TEX36: variants seen among roughly 807,000 people sequenced by gnomAD.
TEX36 encodes testis expressed 36.
A neutral mutation model predicts 13.6 loss-of-function variants in TEX36; 12 were observed. That is an observed-to-expected ratio of 0.88 (90% CI 0.56 to 1.43). The LOEUF (loss-of-function observed/expected upper bound fraction) is 1.43, where lower values mean the gene tolerates loss of function less well. Among genes scored for constraint, TEX36 ranks in the 40% most tolerant of loss-of-function variants. The pLI, the probability that TEX36 is intolerant of heterozygous loss-of-function variation, is 0.00. For missense variants in TEX36, 224 were observed against 228.3 expected, an observed-to-expected ratio of 0.98 and a Z score of 0.12; for synonymous variants, 93 against 83.0, an observed-to-expected ratio of 1.12 and a Z score of -0.65.
intron 1 of TEX36, among the ~76,000 whole-genome samples, chr10:125,674,313 G>A (rs1304031833): frequency 6.6e-6 from 1 of 152,096 alleles, no homozygotes; most frequent in Non-Finnish European, 1.5e-5. Context: ...CTGATTAACA[G>A]CTCCTGTTAT....
chr10:125,636,876 T>C (rs55889247), intron 3 of TEX36, among the ~76,000 whole-genome samples: 8,983 of 152,202 alleles, frequency 0.059, 819 homozygotes, highest in African/African-American at 0.2. Context: ...TTCTAAAGCT[T>C]ATTCATTATA....
At chr10:125,603,539 T>A (rs1206978029) in intron 3 of TEX36, among the ~76,000 whole-genome samples, 1 of 152,112 alleles carries the variant, frequency 6.6e-6, no homozygotes, top group Admixed American at 6.5e-5. Context: ...TGGTCACAGA[T>A]AAGGCTGTGC....
At chr10:125,593,540 T>C (rs1339154763) in intron 3 of TEX36, among the ~76,000 whole-genome samples, 1 of 152,166 alleles carries the variant, frequency 6.6e-6, no homozygotes, top group Non-Finnish European at 1.5e-5. Context: ...GGCTAATACA[T>C]TAGAAAATTC....
intron 1 of TEX36, among the ~76,000 whole-genome samples, chr10:125,668,413 A>C (rs1221530257): frequency 1.3e-5 from 2 of 151,768 alleles, no homozygotes; most frequent in African/African-American, 4.8e-5. Context: ...TGTTTTCAGG[A>C]ATTTATTTAT....
At chr10:125,653,346 A>G (rs1248624324), downstream of TEX36, among the ~76,000 whole-genome samples, 5 of 152,252 alleles carry the variant, frequency 3.3e-5, no homozygotes, top group South Asian at 6.2e-4. Context: ...AGGGACATGG[A>G]TGAAGCCGGA....
At chr10:125,660,710 A>C (rs1335839119) in intron 3 of TEX36, among the ~76,000 whole-genome samples, 3 of 152,214 alleles carry the variant, frequency 2.0e-5, no homozygotes, top group Non-Finnish European at 4.4e-5. Context: ...TACGCATAGC[A>C]GTCCCTCCTT....
chr10:125,603,330 G>T (rs2094810455), intron 3 of TEX36, among the ~76,000 whole-genome samples: 1 of 152,122 alleles, frequency 6.6e-6, no homozygotes, highest in African/African-American at 2.4e-5. Flanking sequence ...AACCTGGCGG[G>T]GGTCCAGGGG....
intron 3 of TEX36, 102 bp downstream of exon 3, chr10:125,660,919 T>C: frequency 2.0e-6 from 2 of 996,620 alleles, no homozygotes; most frequent in South Asian, 1.4e-5. Flanking sequence ...TTTGACCTTG[T>C]TCCAGTTTTG....
intron 3 of TEX36, among the ~76,000 whole-genome samples, chr10:125,612,089 C>CTTT (rs1221864951): frequency 1.2e-4 from 16 of 136,790 alleles, no homozygotes; most frequent in African/African-American, 4.3e-4. Context: ...TTTTCTTTTT[C>CTTT]TTTTTTTTTT....
At chr10:125,581,319 G>A (rs985840505) in intron 3 of TEX36, among the ~76,000 whole-genome samples, 2 of 152,136 alleles carry the variant, frequency 1.3e-5, no homozygotes, top group African/African-American at 4.8e-5. Flanking sequence ...TGGCTTCTCA[G>A]AGGGTCCCTA....
At chr10:125,578,081 A>G (rs529761464) in intron 3 of TEX36, 4 of 152,210 alleles carry the variant, frequency 2.6e-5, no homozygotes, top group Non-Finnish European at 5.9e-5. Context: ...ACAGCCTTGA[A>G]TGCTAGTGGA....
intron 3 of TEX36, among the ~76,000 whole-genome samples, chr10:125,646,027 T>C (rs1294733592): frequency 6.6e-6 from 1 of 152,114 alleles, no homozygotes; most frequent in Non-Finnish European, 1.5e-5. Flanking sequence ...TCAATAACTA[T>C]TGAATTAAGA....
At chr10:125,640,233 G>C (rs982864873) in intron 3 of TEX36, 1 of 984,202 alleles carries the variant, frequency 1.0e-6, no homozygotes, top group Non-Finnish European at 1.2e-6. Context: ...CAGGAGGAGA[G>C]GAAGAAGGGA....
chr10:125,647,593 C>A (rs1382970759), intron 3 of TEX36, among the ~76,000 whole-genome samples: 2 of 152,196 alleles, frequency 1.3e-5, no homozygotes, highest in Non-Finnish European at 2.9e-5. Context: ...TCTGCAGCTC[C>A]CAATGTGAGT....
chr10:125,579,382 T>G lies in TEX36; in HGVS notation c.265-2508A>C, dbSNP rs575358197. The stretch of plus-strand genomic sequence containing the variant: ...ATAAAACCACCAGGTCTCATGAGAA[T>G]TCACTCACTATCATGAGAACAGCAT... On this transcript the variant is annotated intron_variant, in intron 3 of 3. Coordinates refer to the TEX36 transcript ENST00000532135. Among the ~76,000 whole-genome samples, 3 of 152,228 alleles carry G rather than the reference T, an allele frequency of 2.0e-5. No homozygotes were observed. The South Asian group carries it at 6.2e-4, about 32-fold the overall frequency.
chr10:125,645,216 T>C (rs550595540), intron 3 of TEX36, among the ~76,000 whole-genome samples: 56 of 152,328 alleles, frequency 3.7e-4, no homozygotes, highest in African/African-American at 1.3e-3. Context: ...TGTTACACAG[T>C]ACTATAGTTT....
At chr10:125,636,884 A>G (rs9422778) in intron 3 of TEX36, among the ~76,000 whole-genome samples, 34,960 of 152,036 alleles carry the variant, frequency 0.23, 5,678 homozygotes, top group East Asian at 0.47. Context: ...CTTATTCATT[A>G]TACTTAAATG....
intron 3 of TEX36, among the ~76,000 whole-genome samples, chr10:125,644,857 C>T (rs544623907): frequency 2.6e-4 from 39 of 152,298 alleles, no homozygotes; most frequent in African/African-American, 9.1e-4. Context: ...AAAAAGGGCA[C>T]CGAACTCTTT....
chr10:125,623,306 A>G (rs1475413915), intron 3 of TEX36, among the ~76,000 whole-genome samples: 1 of 152,128 alleles, frequency 6.6e-6, no homozygotes, highest in Admixed American at 6.6e-5. Context: ...CTGCCCACCC[A>G]CATTGAGGGT....
Sources: allele counts gnomAD v4.1 joint callset (sites outside exome capture counted in the v4.1 genomes callset), GRCh38; gene constraint gnomAD v4.1.1; transcripts MANE v1.5; gene names NCBI Gene and HGNC (gene_info 2026-07-23, HGNC 2026-07-21).